The following FRMD4B variants were observed in gnomAD, a reference collection of about 807,000 sequenced individuals.
The protein encoded by FRMD4B is FERM domain containing 4B.
FRMD4B carries 74 observed loss-of-function variants against 141.5 expected under a neutral mutation model. The ratio of observed to expected loss-of-function variants is 0.52; its 90% CI spans 0.43 to 0.63. FRMD4B has a LOEUF of 0.63. Among genes scored for constraint, FRMD4B ranks in the 30% least tolerant of loss-of-function variants. FRMD4B has a pLI of 0.00. For missense variants in FRMD4B, 1,366 were observed against 1,253.4 expected, an observed-to-expected ratio of 1.09 and a Z score of -1.36; for synonymous variants, 506 against 467.9, an observed-to-expected ratio of 1.08 and a Z score of -1.05.
chr3:69,254,463 G>A (rs1482455888), intron 5 of FRMD4B, among the ~76,000 whole-genome samples: 4 of 152,106 alleles, frequency 2.6e-5, no homozygotes, highest in Admixed American at 2.6e-4. Flanking sequence ...GGATATTAAT[G>A]TAATCACAAA....
chr3:69,357,501 T>A (rs1240641501), intron 1 of FRMD4B, among the ~76,000 whole-genome samples: 5 of 152,216 alleles, frequency 3.3e-5, no homozygotes, highest in African/African-American at 1.2e-4. Context: ...ATCACCTAAC[T>A]GGTGAGCTTG....
chr3:69,350,552 T>C (rs1043926416), intron 1 of FRMD4B, among the ~76,000 whole-genome samples: 3 of 152,108 alleles, frequency 2.0e-5, no homozygotes, highest in Non-Finnish European at 4.4e-5. Context: ...CTATTCACAA[T>C]AGCAAAGACT....
At chr3:69,244,514 T>C (rs2093409934) in intron 7 of FRMD4B, among the ~76,000 whole-genome samples, 1 of 152,146 alleles carries the variant, frequency 6.6e-6, no homozygotes, top group South Asian at 2.1e-4. Flanking sequence ...ATGCCTGTAG[T>C]CCCAGCTGCT....
At chr3:69,457,054 G>A (rs1054128761) in intron 1 of FRMD4B, among the ~76,000 whole-genome samples, 1 of 152,042 alleles carries the variant, frequency 6.6e-6, no homozygotes, top group Non-Finnish European at 1.5e-5. Flanking sequence ...GTGTGTGTGT[G>A]TGTATATTTA....
In FRMD4B at chr3:69,479,985, C is replaced by T. The variant is rs575214768; in HGVS notation, c.-128-47224G>A. Among the ~76,000 whole-genome samples, 70 of 152,326 alleles carry T rather than the reference C, an allele frequency of 4.6e-4. 1 individual carries two copies. The highest frequency in any genetic ancestry group is 1.6e-3 in the African/African-American group (65 of 41,564). ...TCTTCCATCACTGATACCCTTTCTT[C>T]CAGTTGATTGCATCTGCTCCTGAGG... On this transcript the variant is annotated intron_variant, in intron 1 of 5. Coordinates refer to the FRMD4B transcript ENST00000459638.
At position 69,488,891 on chromosome 3, in the gene FRMD4B, TAAAA is replaced by T. The variant is rs35778230; in HGVS notation, c.-129+53311_-129+53314del. On this transcript the variant is annotated intron_variant, in intron 1 of 5. Transcript: ENST00000459638. Reference sequence around the variant, plus strand: ...CTGGGTGACAGAGCGAGACTCCATCTAAAAAAAAAAAAAAAAAAAAAAAAAGTTT... The same window carrying T: ...CTGGGTGACAGAGCGAGACTCCATCTAAAAAAAAAAAAAAAAAAAAAGTTT... Among the ~76,000 whole-genome samples the T allele has an allele frequency of 1.8e-3, 149 of 82,210 alleles. 1 individual carries two copies. Among genetic ancestry groups the T allele is most frequent in the Admixed American group, 2.9e-3 (19 of 6,446 alleles). The allele number at this position is 82,210 out of a possible 152,430, so 53.9% of individuals were successfully genotyped here. A position where few individuals can be genotyped will look rare whatever the true frequency, so the allele number is the denominator to read the frequency against.
intron 1 of FRMD4B, among the ~76,000 whole-genome samples, chr3:69,350,896 G>C (rs1703123521): frequency 6.6e-6 from 1 of 151,160 alleles, no homozygotes; most frequent in Admixed American, 6.6e-5. Context: ...TGAGTTAATG[G>C]GTGCAGCACA....
chr3:69,539,942 C>T (rs1259871310), intron 1 of FRMD4B, among the ~76,000 whole-genome samples: 1 of 152,182 alleles, frequency 6.6e-6, no homozygotes, highest in African/African-American at 2.4e-5. Context: ...GTAATCCCAG[C>T]ACTTTGGGAG....
intron 1 of FRMD4B, among the ~76,000 whole-genome samples, chr3:69,527,267 C>T (rs538295153): frequency 3.9e-5 from 6 of 152,248 alleles, no homozygotes; most frequent in South Asian, 2.1e-4. Context: ...TACATTTGAA[C>T]GTTTTACTCT....
In FRMD4B at chr3:69,522,734, C is replaced by A. The variant is rs182560343; in HGVS notation, c.-129+19472G>T. Among the ~76,000 whole-genome samples, 481 of 152,212 alleles carry A rather than the reference C, an allele frequency of 3.2e-3. 5 individuals are homozygous for A. Among genetic ancestry groups the A allele is most frequent in the African/African-American group, 0.011 (453 of 41,526 alleles). ...ATGCAAAAATAATCCCTTCTCCTGACCTTCTGCACCCCCATCTCCAGCCAA... is the reference window on the plus strand; with the variant it reads ...ATGCAAAAATAATCCCTTCTCCTGAACTTCTGCACCCCCATCTCCAGCCAA... On this transcript the variant is annotated intron_variant, in intron 1 of 5. Transcript: ENST00000459638.
intron 5 of FRMD4B, among the ~76,000 whole-genome samples, chr3:69,262,303 A>G (rs2093532621): frequency 6.6e-6 from 1 of 152,046 alleles, no homozygotes; most frequent in South Asian, 2.1e-4. Flanking sequence ...GGCAGAGTCT[A>G]CTAAAGCATA....
In FRMD4B at chr3:69,249,260, A is replaced by C. The variant is rs1286133461; in HGVS notation, c.559-12T>G. The stretch of plus-strand genomic sequence containing the variant: ...TCTCCCTTGGCTTCCTAAAAACAAC[A>C]AACAAAAACAGAGTTGATCAATATG... On this transcript the variant is annotated splice_polypyrimidine_tract_variant and intron_variant, in intron 6 of 22. Transcript: ENST00000398540. 1 of 1,561,902 alleles carries C rather than the reference A, an allele frequency of 6.4e-7. No homozygotes were observed.
intron 17 of FRMD4B, 109 bp downstream of exon 17, chr3:69,193,539 C>T (rs1645804562): frequency 1.4e-5 from 9 of 646,526 alleles, no homozygotes; most frequent in Non-Finnish European, 2.2e-5. Flanking sequence ...GTTTTGATCA[C>T]CTGGTTCTTC....
At chr3:69,292,810 T>A (rs922814953) in intron 4 of FRMD4B, among the ~76,000 whole-genome samples, 3 of 129,082 alleles carry the variant, frequency 2.3e-5, no homozygotes, top group African/African-American at 8.4e-5. Context: ...GACCTTTTTT[T>A]CAGCCTTTTT....
chr3:69,536,592 C>G, intron 1 of FRMD4B: 1 of 809,148 alleles, frequency 1.2e-6, no homozygotes. Context: ...CGGGAAGCTG[C>G]TGCAGCTCAG....
At chr3:69,217,491 G>T (rs1197814593) in intron 10 of FRMD4B, among the ~76,000 whole-genome samples, 2 of 152,006 alleles carry the variant, frequency 1.3e-5, no homozygotes, top group African/African-American at 2.4e-5. Context: ...CTGTGGTGGT[G>T]CATGCCTGTA....
Position 69,284,572 on chromosome 3 carries a change from A to T in FRMD4B, c.501+3180T>A, listed in dbSNP as rs556804416. ...AACCATATTCAATCAACTAAACTGC[A>T]TCCCAAAACCAAACATCAAGAATAT... is the stretch of plus-strand genomic sequence containing the variant. On this transcript the variant is annotated intron_variant, in intron 5 of 22. Coordinates refer to ENST00000398540, the MANE Select transcript of FRMD4B (RefSeq NM_015123.3). Among the ~76,000 whole-genome samples, 25 of 152,330 alleles carry T rather than the reference A, an allele frequency of 1.6e-4. No homozygotes were observed. In the East Asian group the frequency reaches 4.2e-3, roughly 26 times the overall value.
intron 19 of FRMD4B, among the ~76,000 whole-genome samples, chr3:69,185,306 AAAAAAAAAAAGAAAAGAAAAAAAG>A (rs2092754131): frequency 6.6e-6 from 1 of 151,690 alleles, no homozygotes; most frequent in Admixed American, 6.6e-5. Flanking sequence ...GTCTCAAAAA[AAAAAAAAAAAGAAAAGAAAAAAAG>A]AAGAAACATA....
chr3:69,422,440 T>C (rs2106812186), intron 2 of FRMD4B, among the ~76,000 whole-genome samples: 1 of 151,974 alleles, frequency 6.6e-6, no homozygotes, highest in South Asian at 2.1e-4. Flanking sequence ...AAACCCTATT[T>C]TACTTCTAGT....
Sources: gnomAD v4.1 joint callset for allele counts (sites outside exome capture counted in the v4.1 genomes callset) on GRCh38, gnomAD v4.1.1 for gene constraint, MANE v1.5 for transcripts, NCBI Gene and HGNC (gene_info 2026-07-23, HGNC 2026-07-21) for gene names.